The following PEX13 variants were observed in gnomAD, a reference collection of about 807,000 sequenced individuals.
PEX13 encodes the protein peroxisome biogenesis factor 13.
In PEX13, 28 loss-of-function variants were observed where a neutral mutation model predicts 34.5. That is an observed-to-expected ratio of 0.81 (90% CI 0.60 to 1.11). The LOEUF (loss-of-function observed/expected upper bound fraction) is 1.11, where lower values mean the gene tolerates loss of function less well. Among genes scored for constraint, PEX13 ranks in the 50% most tolerant of loss-of-function variants. The probability of loss-of-function intolerance (pLI) is 0.00; values close to 1 mark genes in which losing one functional copy is unlikely to be tolerated. For missense variants in PEX13, 550 were observed against 491.0 expected (o/e 1.12, Z -1.13); for synonymous variants, 177 against 175.1 (o/e 1.01, Z -0.09).
intron 2 of PEX13, among the ~76,000 whole-genome samples, chr2:61,034,074 G>A (rs973342087): frequency 6.6e-6 from 1 of 151,958 alleles, no homozygotes; most frequent in South Asian, 2.1e-4. Flanking sequence ...TCAGCTTACT[G>A]CAACCTCCAC....
chr2:61,044,259 G>C (rs1180401186), intron 2 of PEX13, among the ~76,000 whole-genome samples: 1 of 151,820 alleles, frequency 6.6e-6, no homozygotes, highest in Non-Finnish European at 1.5e-5. Flanking sequence ...CCCAGACTTA[G>C]TTATATTCTT....
intron 2 of PEX13, among the ~76,000 whole-genome samples, chr2:61,032,771 A>G (rs1375402160): frequency 6.6e-6 from 1 of 152,242 alleles, no homozygotes; most frequent in Admixed American, 6.5e-5. Flanking sequence ...ATCCAGGAAG[A>G]AATGGCATCT....
At position 61,031,459 on chromosome 2, in the gene PEX13, C is replaced by T; in HGVS notation, c.133C>T (p.Gln45Ter). Reference protein sequence around the residue: ...LGPTLMTRPGQPALTRVPPPI... With the variant: ...LGPTLMTRPG Reference sequence around the variant, plus strand: ...TCCTACTTTAATGACAAGACCTGGACAACCAGCACTTACCAGAGTGCCCCC... The same window carrying T: ...TCCTACTTTAATGACAAGACCTGGATAACCAGCACTTACCAGAGTGCCCCC... Residue 45 changes from glutamine (Q) to a stop codon, truncating the protein, a stop_gained, in exon 2 of 4, where the codon CAA (glutamine) becomes TAA (stop). Transcript: ENST00000295030. LOFTEE classifies it high-confidence loss of function. 1 of 1,614,192 alleles carries T rather than the reference C, an allele frequency of 6.2e-7. No homozygotes were observed. Among genetic ancestry groups the T allele is most frequent in the Non-Finnish European group, 8.5e-7 (1 of 1,180,012 alleles).
At chr2:61,018,171 T>C (rs1252000243) in intron 1 of PEX13, 9 of 1,550,802 alleles carry the variant, frequency 5.8e-6, no homozygotes, top group African/African-American at 1.4e-5. Flanking sequence ...GAATGGCTTC[T>C]CTATCTTTAA....
intron 2 of PEX13, 82 bp downstream of exon 2, chr2:61,032,195 A>G (rs1680464292): frequency 3.0e-6 from 3 of 983,756 alleles, no homozygotes; most frequent in Non-Finnish European, 4.7e-6. Context: ...TTTTCTTTAT[A>G]TTGATTTGTA....
intron 1 of PEX13, chr2:61,018,466 T>C: frequency 2.6e-6 from 2 of 773,882 alleles, no homozygotes; most frequent in South Asian, 2.5e-5. Flanking sequence ...TTCTGAGGCC[T>C]GTATTTTTTT....
At chr2:61,020,378 C>T (rs762091042) in intron 1 of PEX13, among the ~76,000 whole-genome samples, 9 of 150,380 alleles carry the variant, frequency 6.0e-5, no homozygotes, top group Non-Finnish European at 1.3e-4. Flanking sequence ...ACTGGTATGG[C>T]AGAATGCTAT....
intron 1 of PEX13, 46 bp downstream of exon 1, chr2:61,017,897 G>C (rs1180949925): frequency 6.5e-7 from 1 of 1,529,126 alleles, no homozygotes. Flanking sequence ...GGCCCGAGCG[G>C]GGACTTGGCA....
At chr2:61,042,176 A>G (rs1011182211) in intron 2 of PEX13, among the ~76,000 whole-genome samples, 1 of 152,232 alleles carries the variant, frequency 6.6e-6, no homozygotes, top group Admixed American at 6.5e-5. Flanking sequence ...TTCAAATTTC[A>G]TTAATAAAGT....
intron 3 of PEX13, among the ~76,000 whole-genome samples, chr2:61,047,047 C>G (rs1297243773): frequency 6.6e-6 from 1 of 152,024 alleles, no homozygotes; most frequent in Non-Finnish European, 1.5e-5. Context: ...TGTAATCACA[C>G]CTGTGGAACA....
intron 1 of PEX13, among the ~76,000 whole-genome samples, chr2:61,023,552 A>T (rs1340814166): frequency 6.6e-6 from 1 of 152,110 alleles, no homozygotes; most frequent in Non-Finnish European, 1.5e-5. Context: ...TTGTTTGAAC[A>T]CTAGTCTTTA....
intron 3 of PEX13, among the ~76,000 whole-genome samples, chr2:61,047,964 C>G (rs1191180417): frequency 6.6e-6 from 1 of 152,084 alleles, no homozygotes; most frequent in Non-Finnish European, 1.5e-5. Flanking sequence ...ATTTTTTGCC[C>G]ATCTTGGATT....
chr2:61,044,011 G>A (rs1027050285), intron 2 of PEX13, among the ~76,000 whole-genome samples: 2 of 151,746 alleles, frequency 1.3e-5, no homozygotes, highest in Non-Finnish European at 2.9e-5. Flanking sequence ...GTGCAGTAGC[G>A]TGATCATAGC....
chr2:61,038,064 G>A (rs994419180), intron 2 of PEX13, among the ~76,000 whole-genome samples: 5 of 152,094 alleles, frequency 3.3e-5, no homozygotes, highest in African/African-American at 1.2e-4. Context: ...AGAAGAAGTT[G>A]AATCTCTGAA....
intron 1 of PEX13, among the ~76,000 whole-genome samples, chr2:61,024,750 A>C (rs951250619): frequency 1.3e-5 from 2 of 152,146 alleles, no homozygotes; most frequent in Non-Finnish European, 2.9e-5. Context: ...CTGAGCTTGC[A>C]GTGAGCCGAG....
chr2:61,038,551 A>G (rs1680571742), intron 2 of PEX13, among the ~76,000 whole-genome samples: 1 of 152,246 alleles, frequency 6.6e-6, no homozygotes. Context: ...AACAAAATTC[A>G]TCAGTCCTTC....
chr2:61,029,978 G>A (rs1023727363), intron 1 of PEX13, among the ~76,000 whole-genome samples: 2 of 152,174 alleles, frequency 1.3e-5, no homozygotes, highest in African/African-American at 4.8e-5. Flanking sequence ...ACAGGAGGAT[G>A]TGCATAGGTT....
At position 61,049,197 on chromosome 2, in the gene PEX13, ATT is replaced by A. The variant is rs201619544; in HGVS notation, c.*441_*442del. 87 of 151,406 alleles carry A rather than the reference ATT, an allele frequency of 5.7e-4. No individual in the cohort carries two copies. The highest frequency in any genetic ancestry group is 2.5e-3 in the South Asian group (14 of 5,504). 9.4% of individuals were successfully genotyped at this position (151,406 alleles called of 1,614,324 possible). A position where few individuals can be genotyped will look rare whatever the true frequency, so the allele number is the denominator to read the frequency against. ...CAGTATGAGAACAGGCAAAAGGTAA[ATT>A]TTTTTTTTTTTTTACAACCTTAAGT... On this transcript the variant is annotated 3_prime_UTR_variant, in exon 4 of 4. Coordinates refer to ENST00000295030, the MANE Select transcript of PEX13 (RefSeq NM_002618.4).
chr2:61,045,229 AT>A (rs1384857604), intron 2 of PEX13, among the ~76,000 whole-genome samples: 2 of 152,256 alleles, frequency 1.3e-5, no homozygotes, highest in African/African-American at 4.8e-5. Context: ...ACAAATTAGA[AT>A]TAGCAAGTGA....
Sources: gnomAD v4.1 joint callset for allele counts (sites outside exome capture counted in the v4.1 genomes callset) on GRCh38, gnomAD v4.1.1 for gene constraint, MANE v1.5 for transcripts, NCBI Gene and HGNC (gene_info 2026-07-23, HGNC 2026-07-21) for gene names.